DRD2: variants seen among roughly 807,000 people sequenced by gnomAD.
DRD2 encodes dopamine receptor D2, also known as D(2) dopamine receptor.
Under a neutral mutation model 38.0 loss-of-function variants are expected in DRD2, and 8 were observed. The observed-to-expected ratio is 0.21, with a 90% CI of 0.12 to 0.38. DRD2 has a LOEUF of 0.38. Ranked by LOEUF, DRD2 falls within the 10% of genes least tolerant of loss-of-function variation. The pLI, the probability that DRD2 is intolerant of heterozygous loss-of-function variation, is 1.00. For synonymous variants in DRD2, 230 were observed against 238.6 expected, an observed-to-expected ratio of 0.96 and a Z score of 0.33; for missense variants, 403 against 607.7, an observed-to-expected ratio of 0.66 and a Z score of 3.54.
At chr11:113,414,210 G>A (rs1950798796) in intron 6 of DRD2, 165 bp downstream of exon 6, 1 of 758,390 alleles carries the variant, frequency 1.3e-6, no homozygotes, top group Non-Finnish European at 2.4e-6. Context: ...CTCACTTCAT[G>A]CCTGCTTGGA....
At chr11:113,439,344 C>T (rs530697797) in intron 1 of DRD2, among the ~76,000 whole-genome samples, 72 of 152,188 alleles carry the variant, frequency 4.7e-4, no homozygotes, top group African/African-American at 1.6e-3. Flanking sequence ...TAAAACAGGA[C>T]GAGACTCCCT....
intron 1 of DRD2, chr11:113,474,532 G>T (rs891685669): frequency 6.6e-6 from 1 of 152,300 alleles, no homozygotes; most frequent in Non-Finnish European, 1.5e-5. Flanking sequence ...CCGTGGGAGC[G>T]GGAGAATCCA....
chr11:113,452,465 T>TGG (rs1160837850), intron 1 of DRD2, among the ~76,000 whole-genome samples: 1 of 89,514 alleles, frequency 1.1e-5, no homozygotes, highest in East Asian at 2.9e-4. Flanking sequence ...TGTGTGTGTG[T>TGG]GTGTGCGCGC....
chr11:113,438,411 G>A (rs979915384), intron 1 of DRD2, among the ~76,000 whole-genome samples: 3 of 152,182 alleles, frequency 2.0e-5, no homozygotes, highest in East Asian at 1.9e-4. Context: ...GGCAGCTAAT[G>A]TCATTACAAG....
chr11:113,433,901 G>A (rs993167014), intron 1 of DRD2, among the ~76,000 whole-genome samples: 4 of 152,162 alleles, frequency 2.6e-5, no homozygotes, highest in African/African-American at 4.8e-5. Context: ...GCTAGCCTTC[G>A]GCACTTTCTC....
chr11:113,448,934 T>A (rs551155286), intron 1 of DRD2, among the ~76,000 whole-genome samples: 15 of 152,320 alleles, frequency 9.8e-5, no homozygotes, highest in Middle Eastern at 3.4e-3. Flanking sequence ...CTGACCATCC[T>A]GCACATGCCC....
chr11:113,439,876 C>CAAAAAAA (rs1951073122), intron 1 of DRD2, among the ~76,000 whole-genome samples: 1 of 61,028 alleles, frequency 1.6e-5, no homozygotes, highest in Non-Finnish European at 3.0e-5. Flanking sequence ...AAAAAAAAAG[C>CAAAAAAA]TAAGAGTAAG....
chr11:113,445,984 G>A (rs1951144627), intron 1 of DRD2, among the ~76,000 whole-genome samples: 1 of 152,150 alleles, frequency 6.6e-6, no homozygotes, highest in Admixed American at 6.5e-5. Context: ...ATTTCCAGGG[G>A]CCTGGGTCCG....
At chr11:113,460,473 G>A (rs1355582166) in intron 1 of DRD2, among the ~76,000 whole-genome samples, 2 of 152,236 alleles carry the variant, frequency 1.3e-5, no homozygotes, top group Non-Finnish European at 2.9e-5. Flanking sequence ...GCTTCCTGGG[G>A]TCAGAGGCTC....
chr11:113,442,593 C>A (rs1260223508), intron 1 of DRD2, among the ~76,000 whole-genome samples: 1 of 152,192 alleles, frequency 6.6e-6, no homozygotes, highest in Non-Finnish European at 1.5e-5. Flanking sequence ...CCTGTTTCTT[C>A]AGAAACACAG....
At chr11:113,424,743 A>AGTTGGTCTTCTTCCTGG in intron 1 of DRD2, 61 bp from the exon 2 acceptor site, 1 of 1,491,300 alleles carries the variant, frequency 6.7e-7, no homozygotes, top group Non-Finnish European at 9.3e-7. Flanking sequence ...GGTCTCCAGG[A>AGTTGGTCTTCTTCCTGG]AGAAGACCAA....
intron 1 of DRD2, among the ~76,000 whole-genome samples, chr11:113,452,630 T>G (rs748467565): frequency 6.8e-6 from 1 of 147,692 alleles, no homozygotes; most frequent in Non-Finnish European, 1.5e-5. Flanking sequence ...ATGGCCCTTC[T>G]CTGAACCAGT....
chr11:113,453,634 G>A (rs541726409), intron 1 of DRD2, among the ~76,000 whole-genome samples: 67 of 152,340 alleles, frequency 4.4e-4, no homozygotes, highest in Admixed American at 2.6e-3. Context: ...AAGCAAGATA[G>A]AGTCATTATC....
At chr11:113,466,225 T>C (rs1469069672) in intron 1 of DRD2, among the ~76,000 whole-genome samples, 2 of 152,154 alleles carry the variant, frequency 1.3e-5, no homozygotes, top group African/African-American at 4.8e-5. Context: ...GAAAGATAGG[T>C]TCAAACTGTT....
chr11:113,465,839 T>A (rs774466207), intron 1 of DRD2, among the ~76,000 whole-genome samples: 1 of 152,190 alleles, frequency 6.6e-6, no homozygotes, highest in Admixed American at 6.5e-5. Flanking sequence ...GAATATAAAA[T>A]TTGGAGCACA....
At chr11:113,451,691 T>C (rs1951211403) in intron 1 of DRD2, among the ~76,000 whole-genome samples, 1 of 152,116 alleles carries the variant, frequency 6.6e-6, no homozygotes. Flanking sequence ...GGTTTTACCA[T>C]GTCGGCCAGG....
In DRD2 at chr11:113,424,594, G is replaced by T; in HGVS notation, c.58C>A (p.Arg20=). The part of the protein sequence containing the change: ...DDDLERQNWS[R]PFNGSDGKAD... ...TTCCCGTCTGACCCGTTGAAGGGCC[G>T]GCTCCAGTTCTGCCTCTCCAGATCA... The change falls in exon 2 of 8, where the codon CGG becomes AGG. Residue 20 remains arginine, a synonymous_variant. Transcript: ENST00000362072. The T allele has an allele frequency of 1.2e-6, 2 of 1,614,200 alleles. No homozygotes were observed. Among genetic ancestry groups the T allele is most frequent in the Admixed American group, 3.3e-5 (2 of 60,032 alleles).
chr11:113,414,178 A>T lies in DRD2; in HGVS notation c.810+197T>A, dbSNP rs1452808211. ...GCCAACCATTTTCTCGTACACATCC[A>T]TGCCTTGCAGAACCGAGGTGTCTCA... On this transcript the variant is annotated intron_variant, in intron 6 of 7. Transcript: ENST00000362072. The T allele has an allele frequency of 2.5e-5, 17 of 686,472 alleles. No homozygotes were observed. In the East Asian group the frequency reaches 4.4e-4, roughly 18 times the overall value. 42.5% of individuals were successfully genotyped at this position (686,472 alleles called of 1,614,324 possible).
At position 113,410,357 on chromosome 11, in the gene DRD2, ACT is replaced by A. The variant is rs1191833700; in HGVS notation, c.*368_*369del. On this transcript the variant is annotated 3_prime_UTR_variant, in exon 8 of 8. Transcript: ENST00000362072. ...CCACGCCAAGCCCCACAAAGAGAAAACTCAGCCTCTGGGCCCTGACTCAGGCT... is the reference window on the plus strand; with the variant it reads ...CCACGCCAAGCCCCACAAAGAGAAAACAGCCTCTGGGCCCTGACTCAGGCT... 4.6e-6 allele frequency: 2 copies of A among 436,258 alleles called. No homozygotes were observed. The highest frequency in any genetic ancestry group is 9.1e-5 in the East Asian group (2 of 21,948). 27.0% of individuals were successfully genotyped at this position (436,258 alleles called of 1,614,324 possible). A position where few individuals can be genotyped will look rare whatever the true frequency, so the allele number is the denominator to read the frequency against.
Sources: gnomAD v4.1 joint callset for allele counts (sites outside exome capture counted in the v4.1 genomes callset) on GRCh38, gnomAD v4.1.1 for gene constraint, MANE v1.5 for transcripts, NCBI Gene and HGNC (gene_info 2026-07-23, HGNC 2026-07-21) for gene names.